Variants in CBFA2T3 observed in about 807,000 individuals in gnomAD.
CBFA2T3 encodes the protein CBFA2/RUNX1 partner transcriptional co-repressor 3.
CBFA2T3 carries 31 observed loss-of-function variants against 58.6 expected under a neutral mutation model. The observed-to-expected ratio is 0.53, with a 90% CI of 0.40 to 0.71. CBFA2T3 has a LOEUF of 0.71. CBFA2T3 is among the 30% of genes least tolerant of loss of function. CBFA2T3 has a pLI of 0.00. For missense variants in CBFA2T3, 1,076 were observed against 963.1 expected (o/e 1.12, Z -1.55); for synonymous variants, 531 against 421.9 (o/e 1.26, Z -3.17).
intron 5 of CBFA2T3, among the ~76,000 whole-genome samples, chr16:88,890,244 TCTC>T (rs1258234568): frequency 6.6e-6 from 1 of 152,214 alleles, no homozygotes; most frequent in Non-Finnish European, 1.5e-5. Flanking sequence ...CTCCACGCTG[TCTC>T]CTCAACAGCC....
At chr16:88,899,009 C>T (rs911524084) in intron 2 of CBFA2T3, among the ~76,000 whole-genome samples, 8 of 152,110 alleles carry the variant, frequency 5.3e-5, no homozygotes, top group Non-Finnish European at 5.9e-5. Flanking sequence ...TTTAAGCGTC[C>T]TCCCAGCTTT....
intron 1 of CBFA2T3, chr16:88,951,543 A>G: frequency 2.7e-6 from 1 of 363,950 alleles, no homozygotes; most frequent in Non-Finnish European, 5.3e-6. Flanking sequence ...GTACAAAATC[A>G]GGGTGGCGAC....
rs143628518 is a variant in CBFA2T3, at chr16:88,943,768, G to T, written c.151+32889C>A. 1.7e-3 allele frequency among the ~76,000 whole-genome samples: 266 copies of T among 152,288 alleles called. 2 individuals carry two copies. The highest frequency in any genetic ancestry group is 5.8e-3 in the African/African-American group (239 of 41,560). On this transcript the variant is annotated intron_variant, in intron 1 of 11. Coordinates refer to ENST00000268679, the MANE Select transcript of CBFA2T3 (RefSeq NM_005187.6). ...TTCCTGCTGCCTTATCCAAGAACTGGTTTCTTGCCCTGGATGCGGCCAAGT... is the reference window on the plus strand; with the variant it reads ...TTCCTGCTGCCTTATCCAAGAACTGTTTTCTTGCCCTGGATGCGGCCAAGT...
intron 1 of CBFA2T3, among the ~76,000 whole-genome samples, chr16:88,911,726 T>C (rs1970537759): frequency 6.6e-6 from 1 of 152,256 alleles, no homozygotes; most frequent in Non-Finnish European, 1.5e-5. Flanking sequence ...CTGTCATGCT[T>C]CGGGCTATCT....
At position 88,881,397 on chromosome 16, in the gene CBFA2T3, G is replaced by A. The variant is rs1969071733; in HGVS notation, c.1296C>T (p.Asn432=). Reference sequence around the variant, plus strand: ...CGTCGCTGTAGCGCCGCGCCCAGTGGTTGAGCTCCTCGCGGTCGGCCTCCT... The same window carrying A: ...CGTCGCTGTAGCGCCGCGCCCAGTGATTGAGCTCCTCGCGGTCGGCCTCCT... The part of the protein sequence containing the change: ...RCQEADREEL[N]HWARRYSDAE... The change falls in exon 9 of 12, where the codon AAC becomes AAT. Residue 432 remains asparagine (N), a synonymous_variant. Transcript: ENST00000268679. 6.2e-7 allele frequency: 1 copy of A among 1,604,548 alleles called. No individual in the cohort carries two copies. The highest frequency in any genetic ancestry group is 8.5e-7 in the Non-Finnish European group (1 of 1,176,916).
intron 7 of CBFA2T3, among the ~76,000 whole-genome samples, 162 bp from the exon 8 acceptor site, chr16:88,882,923 G>A (rs1969188064): frequency 6.6e-6 from 1 of 152,244 alleles, no homozygotes; most frequent in Admixed American, 6.5e-5. Context: ...GACCGTGGAG[G>A]ATGCCTGGGT....
At chr16:88,902,967 T>C (rs925887666) in intron 1 of CBFA2T3, among the ~76,000 whole-genome samples, 4 of 151,324 alleles carry the variant, frequency 2.6e-5, no homozygotes, top group Admixed American at 6.6e-5. Context: ...ACGACTGCCC[T>C]GCACCCTCCT....
chr16:88,893,609 A>G (rs1969741710), intron 3 of CBFA2T3, among the ~76,000 whole-genome samples: 1 of 152,158 alleles, frequency 6.6e-6, no homozygotes, highest in Admixed American at 6.5e-5. Flanking sequence ...AGGCCAGTGC[A>G]TGTTGAGGAC....
Position 88,885,161 on chromosome 16 carries a change from C to T in CBFA2T3, c.1002G>A (p.Pro334=), listed in dbSNP as rs373798911. The change falls in exon 7 of 12, where the codon CCG becomes CCA. Residue 334 remains proline (P), a synonymous_variant. Transcript: ENST00000268679. The surrounding 1 kb of genome is among the most constrained non-coding windows in gnomAD (Gnocchi z 5.3). The stretch of plus-strand genomic sequence containing the variant: ...GGTAGTGCGGCGGCGGTGTGGGCTG[C>T]GGTGGCCCGTTGCTGGGGCTGTAGC... The part of the protein sequence containing the change: ...AQRYSPSNGP[P]QPTPPPHYRL... 17 of 1,601,668 alleles carry T rather than the reference C, an allele frequency of 1.1e-5. No individual in the cohort carries two copies. Among genetic ancestry groups the T allele is most frequent in the East Asian group, 6.7e-5 (3 of 44,562 alleles).
intron 1 of CBFA2T3, among the ~76,000 whole-genome samples, chr16:88,970,820 C>T (rs1430053150): frequency 6.6e-6 from 1 of 152,256 alleles, no homozygotes; most frequent in Non-Finnish European, 1.5e-5. Context: ...CACCAGAGCC[C>T]CTGTCTCGTG....
At chr16:88,907,447 A>T (rs1970375770) in intron 1 of CBFA2T3, among the ~76,000 whole-genome samples, 2 of 152,214 alleles carry the variant, frequency 1.3e-5, no homozygotes, top group African/African-American at 4.8e-5. Context: ...CGGGTGCGGA[A>T]TCTGACGAGA....
intron 1 of CBFA2T3, among the ~76,000 whole-genome samples, chr16:88,968,928 G>T (rs1972580788): frequency 6.6e-6 from 1 of 152,162 alleles, no homozygotes; most frequent in African/African-American, 2.4e-5. Context: ...GAGCTCCAGG[G>T]TCTGCAGCGC....
chr16:88,889,967 GACGACGCCCCGT>G (rs1969559492), intron 5 of CBFA2T3, among the ~76,000 whole-genome samples: 1 of 150,422 alleles, frequency 6.6e-6, no homozygotes, highest in Admixed American at 6.6e-5. Context: ...CTCCTCCAGG[GACGACGCCCCGT>G]GATTCCTCCT....
In CBFA2T3 at chr16:88,974,234, G is replaced by A. The variant is rs577903646; in HGVS notation, c.151+2423C>T. Among the ~76,000 whole-genome samples the A allele has an allele frequency of 6.4e-4, 98 of 152,312 alleles. 1 individual carries two copies. The South Asian group carries it at 0.02, about 30-fold the overall frequency. ...AAAGTGGGCTTGGGGGGACAAGGCG[G>A]TGAGAGCCTGCACAGCTCCGAGCAC... is the stretch of plus-strand genomic sequence containing the variant. On this transcript the variant is annotated intron_variant, in intron 1 of 11. Coordinates refer to ENST00000268679, the MANE Select transcript of CBFA2T3 (RefSeq NM_005187.6).
chr16:88,968,860 A>G (rs1316210949), intron 1 of CBFA2T3, among the ~76,000 whole-genome samples: 1 of 152,178 alleles, frequency 6.6e-6, no homozygotes, highest in Non-Finnish European at 1.5e-5. Flanking sequence ...TTGCAGTGAC[A>G]GGGTGGCGAG....
At position 88,956,299 on chromosome 16, in the gene CBFA2T3, C is replaced by T. The variant is rs8054589; in HGVS notation, c.151+20358G>A. 7.5e-3 allele frequency among the ~76,000 whole-genome samples: 1,147 copies of T among 152,388 alleles called. 11 individuals carry two copies. Among genetic ancestry groups the T allele is most frequent in the African/African-American group, 0.026 (1,081 of 41,602 alleles). ...GCATCACGGGAGAACCCCACGCACA[C>T]GGAGCTCATGGCCTGTGCCAGGGTG... On this transcript the variant is annotated intron_variant, in intron 1 of 11. Transcript: ENST00000268679.
Position 88,885,711 on chromosome 16 carries a change from C to T in CBFA2T3, c.893+250G>A. On this transcript the variant is annotated intron_variant, in intron 6 of 11. Coordinates refer to ENST00000268679, the MANE Select transcript of CBFA2T3 (RefSeq NM_005187.6). This position sits in a 1 kb window ranked among gnomAD's most constrained non-coding sequence, Gnocchi z 5.3. ...TGCCCGGCACACAGGGGAGAGCCGT[C>T]CTCCCACCAGCCTCCTCCCTGTCCT... 1.9e-6 allele frequency: 1 copy of T among 530,998 alleles called. No homozygotes were observed. The highest frequency in any genetic ancestry group is 2.3e-5 in the South Asian group (1 of 43,396). 32.9% of individuals were successfully genotyped at this position (530,998 alleles called of 1,614,324 possible).
At chr16:88,964,034 T>C (rs1972432406) in intron 1 of CBFA2T3, among the ~76,000 whole-genome samples, 1 of 152,160 alleles carries the variant, frequency 6.6e-6, no homozygotes, top group Non-Finnish European at 1.5e-5. Flanking sequence ...CCTGCACCTG[T>C]GAGGTAGGTG....
chr16:88,895,306 G>A (rs1429983138), intron 3 of CBFA2T3, among the ~76,000 whole-genome samples: 1 of 152,162 alleles, frequency 6.6e-6, no homozygotes, highest in Non-Finnish European at 1.5e-5. Flanking sequence ...CCTCCACTCC[G>A]CCTTCCCAGA....
Sources: gnomAD v4.1 joint callset for allele counts (sites outside exome capture counted in the v4.1 genomes callset) on GRCh38, gnomAD v4.1.1 for gene constraint, Gnocchi (gnomAD v3.1) non-coding constraint, MANE v1.5 for transcripts, NCBI Gene and HGNC (gene_info 2026-07-23, HGNC 2026-07-21) for gene names.